Variants in EPB41L5 observed in about 807,000 individuals in gnomAD.
The protein encoded by EPB41L5 is erythrocyte membrane protein band 4.1 like 5, also known as band 4.1-like protein 5.
EPB41L5 carries 55 observed loss-of-function variants against 106.6 expected under a neutral mutation model. The observed-to-expected ratio is 0.52, with a 90% CI of 0.42 to 0.65. The LOEUF (loss-of-function observed/expected upper bound fraction) is 0.65. Ranked by LOEUF, EPB41L5 falls within the 30% of genes least tolerant of loss-of-function variation. The pLI, the probability that EPB41L5 is intolerant of heterozygous loss-of-function variation, is 0.00. For synonymous variants in EPB41L5, 297 were observed against 306.7 expected (o/e 0.97, Z 0.33); for missense variants, 871 against 882.1 (o/e 0.99, Z 0.16).
chr2:120,168,620 C>T (rs1687526159), intron 24 of EPB41L5, among the ~76,000 whole-genome samples: 1 of 152,226 alleles, frequency 6.6e-6, no homozygotes. Context: ...ATATATCCCA[C>T]ATTTCACATA....
chr2:120,031,069 A>G (rs545339992), intron 2 of EPB41L5, among the ~76,000 whole-genome samples: 5 of 152,136 alleles, frequency 3.3e-5, no homozygotes, highest in East Asian at 3.9e-4. Context: ...GGGTTTCACT[A>G]TGTTGGTCAG....
intron 3 of EPB41L5, 79 bp downstream of exon 3, chr2:120,042,189 G>A (rs1323296687): frequency 9.3e-7 from 1 of 1,074,332 alleles, no homozygotes; most frequent in Non-Finnish European, 1.4e-6. Flanking sequence ...TTGCTATAAG[G>A]CTTCCTATTC....
intron 11 of EPB41L5, 102 bp from the exon 12 acceptor site, chr2:120,090,245 C>G: frequency 1.1e-6 from 1 of 919,068 alleles, no homozygotes; most frequent in Non-Finnish European, 1.6e-6. Context: ...TTTCAGGGAG[C>G]ACACTAGATC....
chr2:120,142,192 A>G (rs1686206283), intron 18 of EPB41L5, among the ~76,000 whole-genome samples: 1 of 150,682 alleles, frequency 6.6e-6, no homozygotes. Flanking sequence ...TGTATCGTTC[A>G]GTGGTAATAA....
intron 11 of EPB41L5, among the ~76,000 whole-genome samples, chr2:120,089,791 T>A (rs958824): frequency 6.6e-6 from 1 of 152,038 alleles, no homozygotes; most frequent in East Asian, 1.9e-4. Flanking sequence ...AAGACTAATG[T>A]TTAAGTTCAT....
chr2:120,167,748 C>CA (rs1687480019), intron 23 of EPB41L5, 129 bp from the exon 24 acceptor site: 7 of 1,234,430 alleles, frequency 5.7e-6, no homozygotes, highest in South Asian at 1.4e-5. Context: ...AAAAACAAAA[C>CA]AAACAGTCAT....
chr2:120,074,048 T>A, intron 4 of EPB41L5, 52 bp from the exon 5 acceptor site: 1 of 1,376,770 alleles, frequency 7.3e-7, no homozygotes, highest in Non-Finnish European at 1.0e-6. Context: ...GGCTGAAAAG[T>A]ATTATTTAAG....
Position 120,116,205 on chromosome 2 carries a change from A to G in EPB41L5, c.1338-11483A>G, listed in dbSNP as rs145733562. ...AGTAGTACATGTAAACTTTGCTTCT[A>G]TAGAGCTTTGTCTCCCACTTTGTGC... On this transcript the variant is annotated intron_variant, in intron 16 of 24. Transcript: ENST00000263713. 3.7e-3 allele frequency among the ~76,000 whole-genome samples: 570 copies of G among 152,294 alleles called. 17 individuals are homozygous for G. The highest frequency in any genetic ancestry group is 6.2e-4 in the Non-Finnish European group (42 of 68,024).
intron 16 of EPB41L5, among the ~76,000 whole-genome samples, chr2:120,108,869 A>C (rs1281859241): frequency 1.3e-5 from 2 of 152,228 alleles, no homozygotes; most frequent in Non-Finnish European, 2.9e-5. Context: ...GTTCTCTGGA[A>C]TATCCAGGTT....
intron 1 of EPB41L5, among the ~76,000 whole-genome samples, chr2:120,015,678 C>T (rs934087988): frequency 6.6e-6 from 1 of 151,890 alleles, no homozygotes; most frequent in South Asian, 2.1e-4. Context: ...GTGCCTCATG[C>T]GTGTAATCCC....
rs546167933 is a variant in EPB41L5, at chr2:120,175,222, A to C, written c.*315A>C. ...ACTCTTGGCTCCACCTAGCGGTTCT[A>C]TTTGTTCATAACAACTTCATAACAA... On this transcript the variant is annotated 3_prime_UTR_variant, in exon 25 of 25. Coordinates refer to ENST00000263713, the MANE Select transcript of EPB41L5 (RefSeq NM_020909.4). 2 of 307,178 alleles carry C rather than the reference A, an allele frequency of 6.5e-6. No individual in the cohort carries two copies. The highest frequency in any genetic ancestry group is 8.2e-5 in the South Asian group (2 of 24,368). The allele number at this position is 307,178 out of a possible 1,614,324, so 19.0% of individuals were successfully genotyped here.
intron 16 of EPB41L5, among the ~76,000 whole-genome samples, chr2:120,120,112 G>A (rs1368899124): frequency 6.6e-6 from 1 of 152,036 alleles, no homozygotes; most frequent in African/African-American, 2.4e-5. Context: ...AACTTCAATT[G>A]TCTGAGATGG....
chr2:120,117,101 T>C lies in EPB41L5; in HGVS notation c.1338-10587T>C, dbSNP rs1048300277. ...TACAGTTCCAGTTTGAGTATCTTTC[T>C]TCAGGTTAAGAAATAGAAATTACCA... On this transcript the variant is annotated intron_variant, in intron 16 of 24. Transcript: ENST00000263713. 1.2e-4 allele frequency among the ~76,000 whole-genome samples: 18 copies of C among 152,340 alleles called. No individual in the cohort carries two copies. The East Asian group carries it at 1.9e-3, about 16-fold the overall frequency.
At chr2:120,131,248 A>G (rs988585417) in intron 17 of EPB41L5, among the ~76,000 whole-genome samples, 3 of 152,172 alleles carry the variant, frequency 2.0e-5, no homozygotes, top group Admixed American at 2.0e-4. Flanking sequence ...CAAAGTGTTG[A>G]GGTTAGACAT....
intron 2 of EPB41L5, among the ~76,000 whole-genome samples, chr2:120,021,500 G>A (rs1196562160): frequency 2.6e-5 from 4 of 152,008 alleles, no homozygotes; most frequent in African/African-American, 7.2e-5. Flanking sequence ...AAATAGCTGG[G>A]TGTGGTGGCG....
chr2:120,031,876 C>G (rs1678733631), intron 2 of EPB41L5, among the ~76,000 whole-genome samples: 1 of 152,144 alleles, frequency 6.6e-6, no homozygotes, highest in South Asian at 2.1e-4. Context: ...TAACTCACAT[C>G]TGTTATCCCA....
At chr2:120,103,819 G>A (rs182422386) in intron 16 of EPB41L5, among the ~76,000 whole-genome samples, 7 of 152,260 alleles carry the variant, frequency 4.6e-5, no homozygotes, top group Admixed American at 3.3e-4. Flanking sequence ...AATTCACTTA[G>A]CTGACTCAGA....
rs114745929 is a variant in EPB41L5, at chr2:120,118,540, T to G, written c.1338-9148T>G. On this transcript the variant is annotated intron_variant, in intron 16 of 24. Transcript: ENST00000263713. ...CACCCCCGACAGGCCCCAGTGTGTG[T>G]TGTTCCCCCTTCCTTGTGTCCGTGT... Among the ~76,000 whole-genome samples the G allele has an allele frequency of 9.7e-3, 1,483 of 152,160 alleles. 27 individuals carry two copies. The highest frequency in any genetic ancestry group is 0.033 in the African/African-American group (1,373 of 41,500).
chr2:120,043,421 C>T (rs1679548302), intron 3 of EPB41L5, among the ~76,000 whole-genome samples: 1 of 151,732 alleles, frequency 6.6e-6, no homozygotes, highest in African/African-American at 2.4e-5. Flanking sequence ...GTGGCGTGCC[C>T]CTGTAGTCCC....
Sources: gnomAD v4.1 joint callset for allele counts (sites outside exome capture counted in the v4.1 genomes callset) on GRCh38, gnomAD v4.1.1 for gene constraint, MANE v1.5 for transcripts, NCBI Gene and HGNC (gene_info 2026-07-23, HGNC 2026-07-21) for gene names.